The following STAU2 variants were observed in gnomAD, a reference collection of about 807,000 sequenced individuals.
STAU2 encodes the protein double-stranded RNA-binding protein Staufen homolog 2.
In STAU2, 20 loss-of-function variants were observed where a neutral mutation model predicts 65.9. The ratio of observed to expected loss-of-function variants is 0.30; its 90% CI spans 0.21 to 0.44. The LOEUF (loss-of-function observed/expected upper bound fraction) is 0.44, where lower values mean the gene tolerates loss of function less well. STAU2 is among the 20% of genes least tolerant of loss of function. The pLI, the probability that STAU2 is intolerant of heterozygous loss-of-function variation, is 1.00. For missense variants in STAU2, 558 were observed against 683.9 expected, an observed-to-expected ratio of 0.82 and a Z score of 2.05; for synonymous variants, 232 against 233.9, an observed-to-expected ratio of 0.99 and a Z score of 0.07.
chr8:73,743,171 G>C (rs1055304554), intron 1 of STAU2, among the ~76,000 whole-genome samples: 1 of 151,580 alleles, frequency 6.6e-6, no homozygotes. Context: ...GAAAACAGAA[G>C]TCTTACGCCA....
chr8:73,654,656 A>AAAAAC (rs1816176082), intron 6 of STAU2, among the ~76,000 whole-genome samples: 2 of 141,550 alleles, frequency 1.4e-5, no homozygotes, highest in Non-Finnish European at 3.1e-5. Flanking sequence ...AAAAAAAAAA[A>AAAAAC]AAAAAGAACT....
chr8:73,425,069 A>G (rs577191335), intron 13 of STAU2, among the ~76,000 whole-genome samples: 46 of 152,272 alleles, frequency 3.0e-4, no homozygotes, highest in African/African-American at 9.6e-4. Flanking sequence ...CGCTAACTTC[A>G]GTGGGGTGGG....
chr8:73,615,843 T>A (rs1586128240), intron 7 of STAU2, 61 bp from the exon 8 acceptor site: 1 of 1,278,772 alleles, frequency 7.8e-7, no homozygotes, highest in East Asian at 2.3e-5. Context: ...TTACTTTTAT[T>A]CTACAGTCAA....
intron 13 of STAU2, among the ~76,000 whole-genome samples, chr8:73,501,508 C>T (rs1227091528): frequency 6.6e-6 from 1 of 151,870 alleles, no homozygotes; most frequent in African/African-American, 2.4e-5. Flanking sequence ...TATACTAGTA[C>T]ATTTCACTTC....
intron 4 of STAU2, among the ~76,000 whole-genome samples, chr8:73,695,817 T>C (rs574073268): frequency 6.6e-6 from 1 of 152,142 alleles, no homozygotes; most frequent in Admixed American, 6.5e-5. Flanking sequence ...GGGAGGGATT[T>C]TGTATTATGG....
At chr8:73,472,480 G>GT (rs1413597307) in intron 13 of STAU2, among the ~76,000 whole-genome samples, 1 of 152,150 alleles carries the variant, frequency 6.6e-6, no homozygotes, top group Non-Finnish European at 1.5e-5. Context: ...GTGTTCAACT[G>GT]TAAGTGTGCA....
chr8:73,725,098 T>C (rs1021139461), intron 3 of STAU2, among the ~76,000 whole-genome samples: 2 of 152,230 alleles, frequency 1.3e-5, no homozygotes, highest in African/African-American at 2.4e-5. Context: ...AGTCTTGCTC[T>C]TCTATACAAT....
intron 12 of STAU2, among the ~76,000 whole-genome samples, chr8:73,566,829 C>A (rs902102598): frequency 2.0e-5 from 3 of 152,198 alleles, no homozygotes; most frequent in Admixed American, 6.5e-5. Context: ...AAGGATCTGT[C>A]TTTCAGACAG....
chr8:73,709,867 G>A (rs1235734649), intron 3 of STAU2, among the ~76,000 whole-genome samples: 1 of 151,508 alleles, frequency 6.6e-6, no homozygotes, highest in African/African-American at 2.4e-5. Flanking sequence ...TGTGGTTCTA[G>A]ACTCACATAA....
At chr8:73,459,821 G>A (rs566589052) in intron 13 of STAU2, among the ~76,000 whole-genome samples, 2 of 152,280 alleles carry the variant, frequency 1.3e-5, no homozygotes, top group South Asian at 2.1e-4. Context: ...CATATTTCAG[G>A]AATACTTGTC....
intron 3 of STAU2, among the ~76,000 whole-genome samples, chr8:73,714,396 A>G (rs1394332075): frequency 6.6e-6 from 1 of 152,098 alleles, no homozygotes; most frequent in African/African-American, 2.4e-5. Flanking sequence ...CAAACCCTCT[A>G]TTTTCAAATT....
intron 11 of STAU2, among the ~76,000 whole-genome samples, chr8:73,588,402 A>G (rs770453305): frequency 5.3e-5 from 8 of 152,256 alleles, no homozygotes; most frequent in Non-Finnish European, 1.2e-4. Flanking sequence ...TCCAGACAGC[A>G]GCTCTTTTCC....
At chr8:73,520,345 T>C (rs1822975215) in intron 13 of STAU2, among the ~76,000 whole-genome samples, 1 of 152,366 alleles carries the variant, frequency 6.6e-6, no homozygotes, top group Non-Finnish European at 1.5e-5. Context: ...ATCTCAATAA[T>C]CTTAAAAGTT....
chr8:73,517,097 A>G (rs1822777188), intron 13 of STAU2, among the ~76,000 whole-genome samples: 1 of 152,168 alleles, frequency 6.6e-6, no homozygotes, highest in Non-Finnish European at 1.5e-5. Flanking sequence ...TAGAGGGGAC[A>G]CTAAGAATTA....
At chr8:73,515,769 T>TTC (rs1424731632) in intron 13 of STAU2, among the ~76,000 whole-genome samples, 1 of 127,250 alleles carries the variant, frequency 7.9e-6, no homozygotes, top group African/African-American at 2.9e-5. Flanking sequence ...CTGAAAAAAT[T>TTC]TCTCTTTTTT....
At chr8:73,546,728 G>A (rs1585978646) in intron 13 of STAU2, among the ~76,000 whole-genome samples, 1 of 151,924 alleles carries the variant, frequency 6.6e-6, no homozygotes, top group East Asian at 1.9e-4. Context: ...TCATTTGTGG[G>A]GAAAAAAAAA....
rs192551772 is a variant in STAU2, at chr8:73,577,384, G to A, written c.1222+5386C>T. Among the ~76,000 whole-genome samples, 558 of 149,192 alleles carry A rather than the reference G, an allele frequency of 3.7e-3. 4 individuals carry two copies. The highest frequency in any genetic ancestry group is 0.013 in the African/African-American group (519 of 40,438). On this transcript the variant is annotated intron_variant, in intron 12 of 14. Coordinates refer to ENST00000524300, the MANE Select transcript of STAU2 (RefSeq NM_001164380.2). ...GAAGCTTGCAGTGAGCCAAGATTGC[G>A]CCACTGCACTCCAGCCTGGGCGACA...
intron 6 of STAU2, among the ~76,000 whole-genome samples, chr8:73,658,200 C>T (rs1563487590): frequency 6.6e-6 from 1 of 151,450 alleles, no homozygotes; most frequent in Non-Finnish European, 1.5e-5. Flanking sequence ...CCCATCTCTA[C>T]TAAAAAAAAA....
rs766059244 is a variant in STAU2 at position 73,595,274 on chromosome 8, A to G, written c.1053T>C (p.Ala351=). The change falls in exon 11 of 15, where the codon GCT becomes GCC. Residue 351 remains alanine (A), a synonymous_variant. Coordinates refer to ENST00000524300, the MANE Select transcript of STAU2 (RefSeq NM_001164380.2). Reference sequence around the variant, plus strand: ...TCTTTTTATTAGGTCCTGTTCCTGTAGCAACTTCATTGCCTACCTTCACCT... The same window carrying G: ...TCTTTTTATTAGGTCCTGTTCCTGTGGCAACTTCATTGCCTACCTTCACCT... ...VMQVKVGNEV[A]TGTGPNKKIA... is the part of the protein sequence containing the mutation. 2.5e-6 allele frequency: 4 copies of G among 1,607,990 alleles called. No homozygotes were observed. The Admixed American group carries it at 6.8e-5, about 27-fold the overall frequency.
Sources: allele counts gnomAD v4.1 joint callset (sites outside exome capture counted in the v4.1 genomes callset), GRCh38; gene constraint gnomAD v4.1.1; transcripts MANE v1.5; gene names NCBI Gene and HGNC (gene_info 2026-07-23, HGNC 2026-07-21).